Variants in SLAMF6 observed in about 807,000 individuals in gnomAD.
SLAMF6 encodes NK-T-B-antigen.
A neutral mutation model predicts 38.3 loss-of-function variants in SLAMF6; 21 were observed. That is an observed-to-expected ratio of 0.55 (90% CI 0.39 to 0.79). The LOEUF is 0.79. SLAMF6 is among the 30% of genes least tolerant of loss of function. The pLI is 0.00. For missense variants in SLAMF6, 341 were observed against 385.3 expected (o/e 0.89, Z 0.96); for synonymous variants, 152 against 146.3 (o/e 1.04, Z -0.28).
chr1:160,491,927 G>T (rs1653325962), intron 2 of SLAMF6, among the ~76,000 whole-genome samples: 3 of 152,090 alleles, frequency 2.0e-5, no homozygotes, highest in Non-Finnish European at 4.4e-5. Context: ...TCTAAAGCTG[G>T]CTCCAATAGT....
chr1:160,508,854 G>A (rs1395772722), intron 1 of SLAMF6, among the ~76,000 whole-genome samples: 2 of 152,034 alleles, frequency 1.3e-5, no homozygotes, highest in African/African-American at 2.4e-5. Context: ...AGGATATGAA[G>A]ACACTTCTCA....
At position 160,517,315 on chromosome 1, in the gene SLAMF6, A is replaced by G. The variant is rs559489714; in HGVS notation, c.49+5829T>C. On this transcript the variant is annotated intron_variant, in intron 1 of 7. Coordinates refer to ENST00000368057, the MANE Select transcript of SLAMF6 (RefSeq NM_001184714.2). Reference sequence around the variant, plus strand: ...CAATTGAAAACCACAATAAATTACCATCTCATGACAGAATAGTGATTATGA... The same window carrying G: ...CAATTGAAAACCACAATAAATTACCGTCTCATGACAGAATAGTGATTATGA... Among the ~76,000 whole-genome samples, 7 of 152,302 alleles carry G rather than the reference A, an allele frequency of 4.6e-5. No homozygotes were observed. The South Asian group carries it at 1.4e-3, about 32-fold the overall frequency.
At chr1:160,494,888 A>G (rs1195202893) in intron 2 of SLAMF6, among the ~76,000 whole-genome samples, 1 of 152,114 alleles carries the variant, frequency 6.6e-6, no homozygotes, top group Non-Finnish European at 1.5e-5. Flanking sequence ...CACCTACTTT[A>G]TGGTATTTCT....
intron 1 of SLAMF6, among the ~76,000 whole-genome samples, chr1:160,508,790 A>G (rs1654323425): frequency 7.3e-6 from 1 of 137,892 alleles, no homozygotes; most frequent in Admixed American, 7.5e-5. Flanking sequence ...TAGAATCTAC[A>G]AAGAATTTAA....
At chr1:160,486,839 G>T in intron 7 of SLAMF6, 85 bp from the exon 8 acceptor site, 1 of 1,460,728 alleles carries the variant, frequency 6.8e-7, no homozygotes, top group Non-Finnish European at 9.6e-7. Flanking sequence ...GAGGACTGGA[G>T]ACTACAGAGA....
At chr1:160,495,843 G>A (rs183007482) in intron 2 of SLAMF6, among the ~76,000 whole-genome samples, 38 of 152,220 alleles carry the variant, frequency 2.5e-4, no homozygotes, top group Admixed American at 1.7e-3. Flanking sequence ...CCATTTTATC[G>A]GAGTGAAGTA....
chr1:160,518,542 C>T (rs1176353014), intron 1 of SLAMF6, among the ~76,000 whole-genome samples: 4 of 151,974 alleles, frequency 2.6e-5, no homozygotes, highest in African/African-American at 9.7e-5. Context: ...CAATGATAGA[C>T]CGGATAAAGA....
chr1:160,517,157 T>C (rs1043562433), intron 1 of SLAMF6, among the ~76,000 whole-genome samples: 1 of 151,854 alleles, frequency 6.6e-6, no homozygotes, highest in African/African-American at 2.4e-5. Context: ...CTCAAACAAA[T>C]TTACAAGAAA....
intron 1 of SLAMF6, among the ~76,000 whole-genome samples, chr1:160,522,115 G>A (rs1346771868): frequency 6.6e-6 from 1 of 152,084 alleles, no homozygotes; most frequent in Non-Finnish European, 1.5e-5. Context: ...TCTTGCTTCA[G>A]TCTCTTCTTT....
intron 1 of SLAMF6, among the ~76,000 whole-genome samples, chr1:160,520,431 G>T (rs1557952359): frequency 6.6e-6 from 1 of 152,076 alleles, no homozygotes; most frequent in African/African-American, 2.4e-5. Context: ...AGGCAGCATT[G>T]GTGTCACCTG....
intron 1 of SLAMF6, among the ~76,000 whole-genome samples, chr1:160,507,405 A>G (rs908104757): frequency 1.3e-5 from 2 of 152,124 alleles, no homozygotes; most frequent in Non-Finnish European, 2.9e-5. Flanking sequence ...CAGTAACAAA[A>G]TTCAAGGGAG....
intron 1 of SLAMF6, among the ~76,000 whole-genome samples, chr1:160,510,139 G>A (rs1654397990): frequency 6.6e-6 from 1 of 152,010 alleles, no homozygotes; most frequent in African/African-American, 2.4e-5. Flanking sequence ...AATCCAGATG[G>A]CTTCACTGGT....
At chr1:160,487,970 G>A (rs1266180120) in intron 6 of SLAMF6, among the ~76,000 whole-genome samples, 2 of 151,840 alleles carry the variant, frequency 1.3e-5, no homozygotes, top group Admixed American at 6.6e-5. Context: ...CTCGCCTGTA[G>A]TCGCAGCTAC....
At chr1:160,506,305 A>G (rs572856452) in intron 1 of SLAMF6, among the ~76,000 whole-genome samples, 1 of 152,318 alleles carries the variant, frequency 6.6e-6, no homozygotes, top group African/African-American at 2.4e-5. Flanking sequence ...CATGCTCAAT[A>G]AAATCAACAG....
chr1:160,486,811 C>T (rs1652986537), intron 7 of SLAMF6, 57 bp from the exon 8 acceptor site: 2 of 1,582,142 alleles, frequency 1.3e-6, no homozygotes, highest in South Asian at 1.1e-5. Flanking sequence ...CTCAGCCCAC[C>T]CCTCATAACT....
At chr1:160,501,580 G>A (rs965911276) in intron 1 of SLAMF6, among the ~76,000 whole-genome samples, 4 of 152,158 alleles carry the variant, frequency 2.6e-5, no homozygotes, top group African/African-American at 9.7e-5. Flanking sequence ...CATGAACTGG[G>A]AAGAGTTGGG....
At position 160,496,350 on chromosome 1, in the gene SLAMF6, G is replaced by A. The variant is rs561886814; in HGVS notation, c.93C>T (p.Asn31=). 19 of 1,613,912 alleles carry A rather than the reference G, an allele frequency of 1.2e-5. No individual in the cohort carries two copies. Among genetic ancestry groups the A allele is most frequent in the South Asian group, 4.4e-5 (4 of 91,078 alleles). ...SQSSLTPLMV[N]GILGESVTLP... Reference sequence around the variant, plus strand: ...GAGTTACTGACTCCCCCAGAATCCCGTTCACCATCAATGGGGTTAAGCTGC... The same window carrying A: ...GAGTTACTGACTCCCCCAGAATCCCATTCACCATCAATGGGGTTAAGCTGC... Residue 31 remains asparagine, a synonymous_variant, in exon 2 of 8, where the codon AAC becomes AAT. Coordinates refer to ENST00000368057, the MANE Select transcript of SLAMF6 (RefSeq NM_001184714.2).
chr1:160,519,196 C>T (rs947243439), intron 1 of SLAMF6, among the ~76,000 whole-genome samples: 2 of 152,098 alleles, frequency 1.3e-5, no homozygotes, highest in Non-Finnish European at 2.9e-5. Flanking sequence ...GGCCAATAAA[C>T]ACTTAAAAAG....
intron 1 of SLAMF6, among the ~76,000 whole-genome samples, chr1:160,516,173 A>C (rs1175134811): frequency 1.3e-5 from 2 of 152,164 alleles, no homozygotes. Context: ...AAACAAAATC[A>C]ATGCAGAAGT....
Sources: gnomAD v4.1 joint callset for allele counts (sites outside exome capture counted in the v4.1 genomes callset) on GRCh38, gnomAD v4.1.1 for gene constraint, MANE v1.5 for transcripts, NCBI Gene and HGNC (gene_info 2026-07-23, HGNC 2026-07-21) for gene names.